The following CFAP299 variants were observed in gnomAD, a reference collection of about 807,000 sequenced individuals.
CFAP299 encodes cilia- and flagella-associated protein 299.
A neutral mutation model predicts 27.0 loss-of-function variants in CFAP299; 21 were observed. That is an observed-to-expected ratio of 0.78 (90% CI 0.55 to 1.12). The LOEUF is 1.12. CFAP299 is among the 50% of genes most tolerant of loss of function. The pLI is 0.00. For missense variants in CFAP299, 310 were observed against 276.6 expected (o/e 1.12, Z -0.86); for synonymous variants, 104 against 98.1 (o/e 1.06, Z -0.36).
At chr4:80,805,616 G>A (rs575073019) in intron 3 of CFAP299, among the ~76,000 whole-genome samples, 18 of 152,212 alleles carry the variant, frequency 1.2e-4, no homozygotes, top group African/African-American at 4.1e-4. Context: ...GGCCAAGGCA[G>A]GAGGATTGCT....
At chr4:80,472,876 T>C (rs1325934745) in intron 2 of CFAP299, among the ~76,000 whole-genome samples, 3 of 152,136 alleles carry the variant, frequency 2.0e-5, no homozygotes, top group Non-Finnish European at 4.4e-5. Flanking sequence ...CTGGATTCCT[T>C]AGCGCAGAAC....
chr4:80,691,894 CCAA>C (rs1355696625), intron 3 of CFAP299, among the ~76,000 whole-genome samples: 4 of 152,078 alleles, frequency 2.6e-5, no homozygotes, highest in African/African-American at 9.7e-5. Context: ...TTCTTATACA[CCAA>C]CAACAGACAA....
intron 3 of CFAP299, among the ~76,000 whole-genome samples, chr4:80,730,449 T>A (rs763098549): frequency 6.6e-6 from 1 of 151,620 alleles, no homozygotes; most frequent in South Asian, 2.1e-4. Context: ...GAGAGACCTA[T>A]GCAGGTGAAT....
chr4:80,759,453 G>A (rs892850956), intron 3 of CFAP299, among the ~76,000 whole-genome samples: 1 of 152,108 alleles, frequency 6.6e-6, no homozygotes, highest in Non-Finnish European at 1.5e-5. Context: ...TTTGAGTGGC[G>A]GGCAACTGTC....
chr4:80,882,042 A>G (rs1435294147), intron 4 of CFAP299, among the ~76,000 whole-genome samples: 5 of 152,130 alleles, frequency 3.3e-5, no homozygotes, highest in African/African-American at 1.2e-4. Flanking sequence ...GTTATTTTAA[A>G]TTGTTCCATC....
intron 3 of CFAP299, among the ~76,000 whole-genome samples, chr4:80,674,760 A>G (rs1048497151): frequency 1.3e-5 from 2 of 151,398 alleles, no homozygotes; most frequent in Non-Finnish European, 2.9e-5. Flanking sequence ...CTCTTGCTTT[A>G]TTTTATTAAT....
chr4:80,725,539 A>ATT (rs1723109429), intron 3 of CFAP299, among the ~76,000 whole-genome samples: 1 of 152,126 alleles, frequency 6.6e-6, no homozygotes, highest in South Asian at 2.1e-4. Flanking sequence ...CCATGGGGGT[A>ATT]TTGTGTGGAG....
At chr4:80,370,651 C>A (rs918802127) in intron 2 of CFAP299, among the ~76,000 whole-genome samples, 1 of 152,214 alleles carries the variant, frequency 6.6e-6, no homozygotes, top group African/African-American at 2.4e-5. Flanking sequence ...AGTCATTAAA[C>A]CCTAAAGCTC....
intron 3 of CFAP299, among the ~76,000 whole-genome samples, chr4:80,851,836 T>C (rs1230784926): frequency 6.6e-6 from 1 of 152,168 alleles, no homozygotes; most frequent in Non-Finnish European, 1.5e-5. Flanking sequence ...CACATTGTTA[T>C]GTTGGTTACA....
chr4:80,523,836 A>G (rs752487615), intron 2 of CFAP299, among the ~76,000 whole-genome samples: 1 of 152,106 alleles, frequency 6.6e-6, no homozygotes, highest in Non-Finnish European at 1.5e-5. Flanking sequence ...TTTTCTATAT[A>G]TTCTATGCGT....
intron 2 of CFAP299, among the ~76,000 whole-genome samples, chr4:80,529,589 T>C (rs1201436291): frequency 2.6e-5 from 4 of 152,182 alleles, no homozygotes; most frequent in Non-Finnish European, 1.5e-5. Flanking sequence ...GTGGCTACCA[T>C]AATATATATT....
rs139302975 is a variant in CFAP299 at position 80,476,319 on chromosome 4, C to T, written c.243-106774C>T. Among the ~76,000 whole-genome samples, 157 of 152,242 alleles carry T rather than the reference C, an allele frequency of 1.0e-3. 1 individual carries two copies. Among genetic ancestry groups the T allele is most frequent in the African/African-American group, 3.6e-3 (150 of 41,548 alleles). ...AAAAGACAAGGTTAATTTGTGTGTGCACAGGGTACACACGGGAATACTTAG... is the reference window on the plus strand; with the variant it reads ...AAAAGACAAGGTTAATTTGTGTGTGTACAGGGTACACACGGGAATACTTAG... On this transcript the variant is annotated intron_variant, in intron 2 of 5. Coordinates refer to ENST00000358105, the MANE Select transcript of CFAP299 (RefSeq NM_152770.3).
At chr4:80,353,651 A>G (rs1399747793) in intron 1 of CFAP299, among the ~76,000 whole-genome samples, 1 of 152,124 alleles carries the variant, frequency 6.6e-6, no homozygotes, top group Non-Finnish European at 1.5e-5. Flanking sequence ...TGAAGCTTGA[A>G]ATCTGTGGAG....
intron 2 of CFAP299, among the ~76,000 whole-genome samples, chr4:80,554,899 G>T (rs1368548777): frequency 6.6e-6 from 1 of 152,042 alleles, no homozygotes; most frequent in Non-Finnish European, 1.5e-5. Flanking sequence ...GAACTTTTGG[G>T]CCAAGACAAT....
At chr4:80,457,093 A>G (rs892188006) in intron 2 of CFAP299, among the ~76,000 whole-genome samples, 1 of 152,130 alleles carries the variant, frequency 6.6e-6, no homozygotes, top group Non-Finnish European at 1.5e-5. Context: ...TTTACAGCAC[A>G]AGTAGTTTGC....
At chr4:80,905,525 T>C (rs1482960018) in intron 4 of CFAP299, among the ~76,000 whole-genome samples, 2 of 152,202 alleles carry the variant, frequency 1.3e-5, no homozygotes, top group East Asian at 3.8e-4. Flanking sequence ...AGTAATATTC[T>C]TAGTGCTTGT....
rs1160992268 is a variant in CFAP299 at position 80,443,325 on chromosome 4, ATC to A, written c.242+80442_242+80443del. 2.0e-5 allele frequency among the ~76,000 whole-genome samples: 3 copies of A among 152,232 alleles called. No individual in the cohort carries two copies. The East Asian group carries it at 5.8e-4, about 29-fold the overall frequency. On this transcript the variant is annotated intron_variant, in intron 2 of 5. Transcript: ENST00000358105. ...AATCCAGCAGCACATCAAAAAGCTTATCCACCATGATCAAGTCACCTTCATCC... is the reference window on the plus strand; with the variant it reads ...AATCCAGCAGCACATCAAAAAGCTTACACCATGATCAAGTCACCTTCATCC...
At chr4:80,357,032 A>T (rs546914071) in intron 1 of CFAP299, among the ~76,000 whole-genome samples, 1 of 152,098 alleles carries the variant, frequency 6.6e-6, no homozygotes, top group African/African-American at 2.4e-5. Context: ...TTTATTGAGA[A>T]TTTTTAACAT....
At chr4:80,878,487 G>A (rs971491934) in intron 4 of CFAP299, among the ~76,000 whole-genome samples, 2 of 152,064 alleles carry the variant, frequency 1.3e-5, no homozygotes, top group Non-Finnish European at 2.9e-5. Flanking sequence ...GTGATGCTCA[G>A]TTTGACCTGT....
Sources: gnomAD v4.1 joint callset for allele counts (sites outside exome capture counted in the v4.1 genomes callset) on GRCh38, gnomAD v4.1.1 for gene constraint, MANE v1.5 for transcripts, NCBI Gene and HGNC (gene_info 2026-07-23, HGNC 2026-07-21) for gene names.